Variants in EFHC1 observed in about 807,000 individuals in gnomAD.
EFHC1 encodes the protein EF-hand domain-containing protein 1.
Under a neutral mutation model 69.9 loss-of-function variants are expected in EFHC1, and 53 were observed. The ratio of observed to expected loss-of-function variants is 0.76; its 90% CI spans 0.61 to 0.95. EFHC1 has a LOEUF of 0.95. Among genes scored for constraint, EFHC1 ranks in the 40% least tolerant of loss-of-function variants. The pLI is 0.00. For synonymous variants in EFHC1, 256 were observed against 278.4 expected, an observed-to-expected ratio of 0.92 and a Z score of 0.80; for missense variants, 739 against 798.7, an observed-to-expected ratio of 0.93 and a Z score of 0.90.
chr6:52,427,075 C>T (rs1764316598), intron 2 of EFHC1, among the ~76,000 whole-genome samples: 1 of 152,198 alleles, frequency 6.6e-6, no homozygotes, highest in Non-Finnish European at 1.5e-5. Flanking sequence ...AATCTATTAG[C>T]AAGTTCTATT....
intron 3 of EFHC1, among the ~76,000 whole-genome samples, chr6:52,446,761 G>A (rs1340920371): frequency 6.6e-6 from 1 of 152,136 alleles, no homozygotes; most frequent in Non-Finnish European, 1.5e-5. Context: ...GCCTGGTGGT[G>A]ACAAAATCTG....
At chr6:52,469,546 A>T in intron 7 of EFHC1, 73 bp downstream of exon 7, 1 of 1,592,636 alleles carries the variant, frequency 6.3e-7, no homozygotes, top group Non-Finnish European at 8.6e-7. Flanking sequence ...TTTTATCTGT[A>T]AGCTGTAGAT....
Position 52,447,382 on chromosome 6 carries a change from A to G in EFHC1, c.574-5306A>G, listed in dbSNP as rs181652879. ...CTACTGAAGCTTATGCATGCATCAC[A>G]TAGTTCTCATGCCATGGTTTTCAGC... On this transcript the variant is annotated intron_variant, in intron 3 of 10. Transcript: ENST00000371068. Among the ~76,000 whole-genome samples the G allele has an allele frequency of 1.5e-3, 222 of 152,226 alleles. 2 individuals are homozygous for G. The highest frequency in any genetic ancestry group is 4.6e-3 in the African/African-American group (190 of 41,538).
At chr6:52,483,395 A>G (rs1226502440) in intron 9 of EFHC1, 1 of 152,270 alleles carries the variant, frequency 6.6e-6, no homozygotes, top group Non-Finnish European at 1.5e-5. Flanking sequence ...TTCCCAAGAA[A>G]GAATTCCAGG....
chr6:52,424,659 A>G (rs1476052556), intron 2 of EFHC1, among the ~76,000 whole-genome samples: 6 of 152,236 alleles, frequency 3.9e-5, no homozygotes, highest in Non-Finnish European at 5.9e-5. Flanking sequence ...AATGGGTGGT[A>G]TAACATTTTT....
chr6:52,496,602 A>G lies in EFHC1; in HGVS notation c.*4261A>G, dbSNP rs1369435603. On this transcript the variant is annotated 3_prime_UTR_variant, in exon 11 of 11. Transcript: ENST00000371068. ...TTTAAAAAGCCAATATGAGTGCTTT[A>G]TATGTACCATGAACTTAGCATTCAG... 1 of 152,180 alleles carries G rather than the reference A, an allele frequency of 6.6e-6. No homozygotes were observed. Among genetic ancestry groups the G allele is most frequent in the Admixed American group, 6.5e-5 (1 of 15,274 alleles). 9.4% of individuals were successfully genotyped at this position (152,180 alleles called of 1,614,324 possible). A position where few individuals can be genotyped will look rare whatever the true frequency, so the allele number is the denominator to read the frequency against.
rs1486395279 is a variant in EFHC1, at chr6:52,492,568, ATTGAC to A, written c.*231_*235del. On this transcript the variant is annotated 3_prime_UTR_variant, in exon 11 of 11. Transcript: ENST00000371068. ...AGCAATGTCTAATTTTGTGTGTCAA[ATTGAC>A]TTGGCCACAGGGGGCCCAAATATTT... 9 of 664,648 alleles carry A rather than the reference ATTGAC, an allele frequency of 1.4e-5. No homozygotes were observed. In the African/African-American group the frequency reaches 1.4e-4, roughly 10 times the overall value. The allele number at this position is 664,648 out of a possible 1,614,324, so 41.2% of individuals were successfully genotyped here.
intron 4 of EFHC1, 194 bp downstream of exon 4, chr6:52,453,031 G>C: frequency 1.3e-6 from 2 of 1,528,830 alleles, no homozygotes; most frequent in Non-Finnish European, 8.8e-7. Context: ...TTCATATGGA[G>C]ATCCAAAGAA....
chr6:52,450,240 A>G (rs1764884858), intron 3 of EFHC1, among the ~76,000 whole-genome samples: 1 of 152,152 alleles, frequency 6.6e-6, no homozygotes. Flanking sequence ...GGTCGATTTT[A>G]GAATATGTGC....
Position 52,496,334 on chromosome 6 carries a change from A to G in EFHC1, c.*3993A>G, listed in dbSNP as rs1040619512. The G allele has an allele frequency of 6.6e-6, 1 of 152,438 alleles. No individual in the cohort carries two copies. Among genetic ancestry groups the G allele is most frequent in the Admixed American group, 6.5e-5 (1 of 15,312 alleles). 9.4% of individuals were successfully genotyped at this position (152,438 alleles called of 1,614,324 possible). On this transcript the variant is annotated 3_prime_UTR_variant, in exon 11 of 11. Coordinates refer to ENST00000371068, the MANE Select transcript of EFHC1 (RefSeq NM_018100.4). ...TAGTGCTTACGGCTTTGGGACTAAT[A>G]AAAATCTGCCTTGCGGGTAAAGATG...
chr6:52,469,963 C>T (rs1765398061), intron 7 of EFHC1, among the ~76,000 whole-genome samples: 1 of 151,996 alleles, frequency 6.6e-6, no homozygotes, highest in Non-Finnish European at 1.5e-5. Flanking sequence ...TTCTGCATAT[C>T]CCATTAATTA....
rs138388825 is a variant in EFHC1 at position 52,483,590 on chromosome 6, G to A, written c.1640+3803G>A. On this transcript the variant is annotated intron_variant, in intron 9 of 10. Coordinates refer to ENST00000371068, the MANE Select transcript of EFHC1 (RefSeq NM_018100.4). ...AAAGGGTGGTAACTTCCAGGTGTTC[G>A]CGTCGTTGCTGTGGAAAGGGGTGGT... The A allele has an allele frequency of 9.4e-3, 1,429 of 152,270 alleles. 8 individuals carry two copies. Among genetic ancestry groups the A allele is most frequent in the Middle Eastern group, 0.02 (6 of 294 alleles). The allele number at this position is 152,270 out of a possible 1,614,324, so 9.4% of individuals were successfully genotyped here. A position where few individuals can be genotyped will look rare whatever the true frequency, so the allele number is the denominator to read the frequency against.
At chr6:52,465,848 T>A (rs1403443189) in intron 6 of EFHC1, among the ~76,000 whole-genome samples, 2 of 148,152 alleles carry the variant, frequency 1.3e-5, no homozygotes, top group African/African-American at 4.9e-5. Context: ...ATATAATATA[T>A]ATAATATCTA....
chr6:52,481,504 A>ATCTCTCTCTCTCTCTCTCTCTCTCTC (rs60540358), intron 9 of EFHC1: 2 of 143,660 alleles, frequency 1.4e-5, no homozygotes, highest in Admixed American at 6.9e-5. Context: ...AGACTGCATG[A>ATCTCTCTCTCTCTCTCTCTCTCTCTC]TCTCTCTCTC....
chr6:52,476,239 TTTC>T (rs1339462822), intron 7 of EFHC1, among the ~76,000 whole-genome samples: 1 of 152,228 alleles, frequency 6.6e-6, no homozygotes, highest in African/African-American at 2.4e-5. Flanking sequence ...AGTTGGTCTG[TTTC>T]TTCTTATTAT....
chr6:52,477,814 T>G lies in EFHC1; in HGVS notation c.1279-1223T>G, dbSNP rs190308531. Among the ~76,000 whole-genome samples, 759 of 152,320 alleles carry G rather than the reference T, an allele frequency of 5.0e-3. 7 individuals carry two copies. Among genetic ancestry groups the G allele is most frequent in the African/African-American group, 0.017 (705 of 41,552 alleles). ...AGGATGTGGAGAAATAGGAACACTT[T>G]TACACTGTTGGTGGGACTGTAGACT... On this transcript the variant is annotated intron_variant, in intron 7 of 10. Transcript: ENST00000371068.
At chr6:52,463,097 G>A (rs1765210156) in intron 5 of EFHC1, among the ~76,000 whole-genome samples, 1 of 151,406 alleles carries the variant, frequency 6.6e-6, no homozygotes, top group Admixed American at 6.6e-5. Flanking sequence ...GCCTGATCTC[G>A]GCTCACTGCA....
intron 4 of EFHC1, chr6:52,453,683 C>CA (rs1562452892): frequency 2.4e-6 from 3 of 1,250,932 alleles, no homozygotes; most frequent in Admixed American, 2.9e-5. Context: ...TTGATGGGAC[C>CA]AAAAAAAGAC....
At chr6:52,429,638 G>A (rs1166056285) in intron 2 of EFHC1, among the ~76,000 whole-genome samples, 1 of 151,868 alleles carries the variant, frequency 6.6e-6, no homozygotes, top group African/African-American at 2.4e-5. Context: ...ATGCCTCCAG[G>A]TTTATTCTTT....
Sources: gnomAD v4.1 joint callset for allele counts (sites outside exome capture counted in the v4.1 genomes callset) on GRCh38, gnomAD v4.1.1 for gene constraint, MANE v1.5 for transcripts, NCBI Gene and HGNC (gene_info 2026-07-23, HGNC 2026-07-21) for gene names.